PLEKHA7: variants seen among roughly 807,000 people sequenced by gnomAD.
PLEKHA7 encodes pleckstrin homology domain containing A7.
PLEKHA7 carries 104 observed loss-of-function variants against 170.0 expected under a neutral mutation model. That is an observed-to-expected ratio of 0.61 (90% confidence interval 0.52 to 0.72). The LOEUF (loss-of-function observed/expected upper bound fraction) is 0.72, where lower values mean the gene tolerates loss of function less well. Ranked by LOEUF, PLEKHA7 falls within the 30% of genes least tolerant of loss-of-function variation. The pLI is 0.00. For missense variants in PLEKHA7, 1,615 were observed against 1,671.7 expected (o/e 0.97, Z 0.59); for synonymous variants, 648 against 660.8 (o/e 0.98, Z 0.30).
At chr11:16,906,385 G>A (rs1460016910) in intron 3 of PLEKHA7, among the ~76,000 whole-genome samples, 2 of 132,004 alleles carry the variant, frequency 1.5e-5, no homozygotes, top group East Asian at 4.2e-4. Context: ...AAGCTGGACT[G>A]TACTGCTGCC....
chr11:16,909,323 C>A (rs1858085960), intron 3 of PLEKHA7, among the ~76,000 whole-genome samples: 1 of 152,196 alleles, frequency 6.6e-6, no homozygotes, highest in Non-Finnish European at 1.5e-5. Context: ...AAACAGGAGC[C>A]TCTTAATGTT....
chr11:16,821,299 A>G (rs1850197726), intron 10 of PLEKHA7, among the ~76,000 whole-genome samples: 1 of 152,184 alleles, frequency 6.6e-6, no homozygotes, highest in East Asian at 1.9e-4. Flanking sequence ...TCCTAACTCT[A>G]TCCCTCACCC....
intron 4 of PLEKHA7, among the ~76,000 whole-genome samples, chr11:16,856,372 C>A (rs1238509731): frequency 6.6e-6 from 1 of 152,224 alleles, no homozygotes; most frequent in Non-Finnish European, 1.5e-5. Flanking sequence ...CACACAACCA[C>A]ACCCCCAGCT....
At chr11:16,935,438 G>A (rs1393133679) in intron 3 of PLEKHA7, among the ~76,000 whole-genome samples, 1 of 152,220 alleles carries the variant, frequency 6.6e-6, no homozygotes, top group Non-Finnish European at 1.5e-5. Context: ...AAGATTAAAT[G>A]TGTCGGTCCT....
intron 3 of PLEKHA7, among the ~76,000 whole-genome samples, chr11:16,935,528 T>C (rs1860228136): frequency 6.6e-6 from 1 of 152,196 alleles, no homozygotes; most frequent in Non-Finnish European, 1.5e-5. Flanking sequence ...GAAACATGCT[T>C]TAAAATATGA....
chr11:16,857,314 G>C (rs1191359300), intron 4 of PLEKHA7, among the ~76,000 whole-genome samples: 1 of 152,216 alleles, frequency 6.6e-6, no homozygotes, highest in African/African-American at 2.4e-5. Context: ...AGCAGGAGAT[G>C]CAAGTCCTAC....
intron 3 of PLEKHA7, among the ~76,000 whole-genome samples, chr11:16,892,614 A>T (rs1590506939): frequency 9.0e-6 from 1 of 110,802 alleles, no homozygotes; most frequent in Non-Finnish European, 1.9e-5. Flanking sequence ...CCCAGCTTCC[A>T]GCTTCTTTTT....
At chr11:16,969,444 A>G (rs1349836170) in intron 3 of PLEKHA7, among the ~76,000 whole-genome samples, 1 of 152,176 alleles carries the variant, frequency 6.6e-6, no homozygotes, top group Middle Eastern at 3.2e-3. Context: ...GGTTGAATTG[A>G]TTCAAGTATG....
At chr11:16,853,579 G>T (rs1300054159) in intron 6 of PLEKHA7, among the ~76,000 whole-genome samples, 1 of 152,168 alleles carries the variant, frequency 6.6e-6, no homozygotes. Context: ...ACAGCCAATG[G>T]GCCTGGCCTA....
intron 3 of PLEKHA7, among the ~76,000 whole-genome samples, chr11:16,905,088 C>T (rs1367334416): frequency 3.3e-5 from 5 of 151,970 alleles, no homozygotes; most frequent in Non-Finnish European, 5.9e-5. Flanking sequence ...CCCATCTGTA[C>T]CAAAAATACA....
At position 16,844,479 on chromosome 11, in the gene PLEKHA7, C is replaced by G. The variant is rs528985746; in HGVS notation, c.697-2757G>C. Among the ~76,000 whole-genome samples, 140 of 152,302 alleles carry G rather than the reference C, an allele frequency of 9.2e-4. 1 individual carries two copies. The Middle Eastern group carries it at 0.014, about 15-fold the overall frequency. On this transcript the variant is annotated intron_variant, in intron 8 of 26. Coordinates refer to ENST00000531066, the MANE Select transcript of PLEKHA7 (RefSeq NM_001329630.2). Reference sequence around the variant, plus strand: ...TTTCTTTTCATCTGGCCAAGTGACCCAAGTCCAAAGTATCCTGAGCCTAGG... The same window carrying G: ...TTTCTTTTCATCTGGCCAAGTGACCGAAGTCCAAAGTATCCTGAGCCTAGG...
chr11:16,881,509 C>CA (rs1301354259), intron 3 of PLEKHA7: 4 of 152,386 alleles, frequency 2.6e-5, no homozygotes, highest in African/African-American at 9.6e-5. Flanking sequence ...GGCAACCAGG[C>CA]AGGAACACAG....
rs541641545 is a variant in PLEKHA7 at position 16,794,525 on chromosome 11, G to C, written c.2708C>G (p.Ser903Cys). ...PHPPQLRKVTSPLQSPTKAKP... is the reference protein window; with the variant it reads ...PHPPQLRKVTCPLQSPTKAKP... ...CGCCTTAGTTGGTGACTGAAGGGGG[G>C]ATGTCACTTTCCTCAGCTGGGGTGG... The change falls in exon 19 of 27, where the codon TCC becomes TGC. Residue 903 changes from serine (S) to cysteine (C), a missense_variant. Physicochemically the swap from Ser to Cys is moderately radical, Grantham distance 112. Coordinates refer to ENST00000531066, the MANE Select transcript of PLEKHA7 (RefSeq NM_001329630.2). 1.9e-6 allele frequency: 3 copies of C among 1,613,778 alleles called. No homozygotes were observed. The highest frequency in any genetic ancestry group is 2.5e-6 in the Non-Finnish European group (3 of 1,180,020).
At chr11:16,973,697 G>C (rs1862865528) in intron 3 of PLEKHA7, among the ~76,000 whole-genome samples, 2 of 152,290 alleles carry the variant, frequency 1.3e-5, no homozygotes, top group African/African-American at 4.8e-5. Context: ...TGCTTCCTAT[G>C]ATGGGCCCTA....
At chr11:16,915,494 C>T (rs1271618060) in intron 3 of PLEKHA7, among the ~76,000 whole-genome samples, 1 of 147,960 alleles carries the variant, frequency 6.8e-6, no homozygotes, top group African/African-American at 2.5e-5. Flanking sequence ...GCATATCTCC[C>T]AATGCTATCC....
intron 4 of PLEKHA7, among the ~76,000 whole-genome samples, chr11:16,857,480 A>T (rs1020920888): frequency 4.1e-4 from 63 of 152,374 alleles, no homozygotes; most frequent in African/African-American, 1.4e-3. Flanking sequence ...GCAGCAAGAT[A>T]ACCGCTGATC....
At chr11:16,998,641 T>C (rs1382188330) in intron 3 of PLEKHA7, among the ~76,000 whole-genome samples, 1 of 152,060 alleles carries the variant, frequency 6.6e-6, no homozygotes, top group East Asian at 1.9e-4. Context: ...CTGGAAAAGT[T>C]GAAGCAAAAA....
intron 3 of PLEKHA7, among the ~76,000 whole-genome samples, chr11:16,998,485 G>A (rs1204561953): frequency 6.6e-6 from 1 of 152,082 alleles, no homozygotes; most frequent in African/African-American, 2.4e-5. Context: ...AGTGTACTTG[G>A]GGTTCTAATT....
chr11:17,013,678 C>G (rs1280096600), intron 3 of PLEKHA7, among the ~76,000 whole-genome samples: 1 of 152,254 alleles, frequency 6.6e-6, no homozygotes, highest in Non-Finnish European at 1.5e-5. Context: ...CAGCCCCAGA[C>G]CCTAGAGGGG....
Sources: allele counts gnomAD v4.1 joint callset (sites outside exome capture counted in the v4.1 genomes callset), GRCh38; gene constraint gnomAD v4.1.1; transcripts MANE v1.5; gene names NCBI Gene and HGNC (gene_info 2026-07-23, HGNC 2026-07-21).